The following ENTPD7 variants were observed in gnomAD, a reference collection of about 807,000 sequenced individuals.
ENTPD7 encodes the protein NTPDase 7.
Under a neutral mutation model 77.9 loss-of-function variants are expected in ENTPD7, and 53 were observed. That is an observed-to-expected ratio of 0.68 (90% CI 0.55 to 0.85). The LOEUF (loss-of-function observed/expected upper bound fraction) is 0.85, where lower values mean the gene tolerates loss of function less well. Among genes scored for constraint, ENTPD7 ranks in the 40% least tolerant of loss-of-function variants. The pLI is 0.00. For missense variants in ENTPD7, 636 were observed against 743.7 expected, an observed-to-expected ratio of 0.86 and a Z score of 1.68; for synonymous variants, 248 against 274.9, an observed-to-expected ratio of 0.90 and a Z score of 0.97.
intron 3 of ENTPD7, among the ~76,000 whole-genome samples, chr10:99,674,804 G>A (rs1471047993): frequency 6.6e-6 from 1 of 152,170 alleles, no homozygotes; most frequent in Admixed American, 6.5e-5. Flanking sequence ...GCAATGGCAG[G>A]TAAAACCGCT....
At chr10:99,669,707 G>A (rs1002251122) in intron 3 of ENTPD7, among the ~76,000 whole-genome samples, 2 of 115,308 alleles carry the variant, frequency 1.7e-5, no homozygotes, top group African/African-American at 6.5e-5. Flanking sequence ...CAGCAGAGCT[G>A]TTTTTGAGAA....
Position 99,682,249 on chromosome 10 carries a change from T to G in ENTPD7, c.548+2374T>G, listed in dbSNP as rs117885454. Reference sequence around the variant, plus strand: ...AAATTTTATAGTTGGCTTTCTTTCCTTAAATCAACAGCAAACAACAAAAAC... The same window carrying G: ...AAATTTTATAGTTGGCTTTCTTTCCGTAAATCAACAGCAAACAACAAAAAC... On this transcript the variant is annotated intron_variant, in intron 5 of 12. Coordinates refer to ENST00000370489, the MANE Select transcript of ENTPD7 (RefSeq NM_020354.5). Among the ~76,000 whole-genome samples the G allele has an allele frequency of 6.6e-3, 1,007 of 151,938 alleles. 7 individuals carry two copies. The highest frequency in any genetic ancestry group is 0.011 in the Admixed American group (165 of 15,256).
chr10:99,703,482 A>G (rs548229520), intron 12 of ENTPD7, among the ~76,000 whole-genome samples: 2 of 152,190 alleles, frequency 1.3e-5, no homozygotes, highest in East Asian at 1.9e-4. Context: ...TCAGAAATCC[A>G]TATTTTTTAT....
intron 3 of ENTPD7, among the ~76,000 whole-genome samples, chr10:99,672,805 G>A (rs1413142814): frequency 6.6e-6 from 1 of 152,178 alleles, no homozygotes; most frequent in Non-Finnish European, 1.5e-5. Context: ...GAGTTGAAGA[G>A]TATGATGACA....
At chr10:99,679,504 A>C (rs774228093) in intron 4 of ENTPD7, 38 bp downstream of exon 4, 2 of 1,556,420 alleles carry the variant, frequency 1.3e-6, no homozygotes, top group South Asian at 2.5e-5. Flanking sequence ...AGTCTCTTTT[A>C]AGGCATGAAA....
intron 9 of ENTPD7, among the ~76,000 whole-genome samples, chr10:99,698,189 A>G (rs1446549752): frequency 6.6e-6 from 1 of 152,142 alleles, no homozygotes; most frequent in African/African-American, 2.4e-5. Flanking sequence ...TAAACATTAG[A>G]ACCACACTCC....
At position 99,709,548 on chromosome 10, in the gene ENTPD7, T is replaced by C. The variant is rs1448243978; in HGVS notation, c.*4865T>C. ...ACAGGATTATTAGTCAATAATATTT[T>C]GATTAATACTATAGAATAGCAACAG... On this transcript the variant is annotated 3_prime_UTR_variant, in exon 13 of 13. Transcript: ENST00000370489. 2 of 983,238 alleles carry C rather than the reference T, an allele frequency of 2.0e-6. No individual in the cohort carries two copies. Among genetic ancestry groups the C allele is most frequent in the East Asian group, 2.3e-4 (2 of 8,818 alleles). The allele number at this position is 983,238 out of a possible 1,614,324, so 60.9% of individuals were successfully genotyped here. A position where few individuals can be genotyped will look rare whatever the true frequency, so the allele number is the denominator to read the frequency against.
rs1196176916 is a variant in ENTPD7 at position 99,691,467 on chromosome 10, C to A, written c.792C>A (p.Leu264=). The change falls in exon 8 of 13, where the codon CTC becomes CTA. Residue 264 remains leucine, a synonymous_variant. Transcript: ENST00000370489. ...VGILDMGGAS[L]QIAYEVPTST... is the part of the protein sequence containing the mutation. Reference sequence around the variant, plus strand: ...TACTGGATATGGGAGGAGCCTCTCTCCAAATTGCTTATGAAGTTCCTACCT... The same window carrying A: ...TACTGGATATGGGAGGAGCCTCTCTACAAATTGCTTATGAAGTTCCTACCT... 6.2e-7 allele frequency: 1 copy of A among 1,614,084 alleles called. No homozygotes were observed. The highest frequency in any genetic ancestry group is 1.3e-5 in the African/African-American group (1 of 75,054).
At chr10:99,674,461 T>C (rs1214279221) in intron 3 of ENTPD7, among the ~76,000 whole-genome samples, 1 of 152,210 alleles carries the variant, frequency 6.6e-6, no homozygotes, top group Non-Finnish European at 1.5e-5. Flanking sequence ...TGAACTCTCC[T>C]TTTCTCTCTC....
At chr10:99,675,790 G>T (rs979694205) in intron 3 of ENTPD7, among the ~76,000 whole-genome samples, 2 of 151,800 alleles carry the variant, frequency 1.3e-5, no homozygotes, top group Admixed American at 1.3e-4. Flanking sequence ...TAGAGACGGG[G>T]TTTCACCATG....
intron 3 of ENTPD7, among the ~76,000 whole-genome samples, chr10:99,667,696 A>T (rs2035566893): frequency 6.6e-6 from 1 of 152,194 alleles, no homozygotes; most frequent in Non-Finnish European, 1.5e-5. Context: ...CACAGTAGAT[A>T]ACAGCAAATT....
intron 7 of ENTPD7, 89 bp downstream of exon 7, chr10:99,688,839 A>G: frequency 7.7e-7 from 1 of 1,301,560 alleles, no homozygotes; most frequent in Non-Finnish European, 1.1e-6. Context: ...GCAAATTTTG[A>G]GTTGTTTTTC....
At chr10:99,683,484 T>G (rs2035777666) in intron 5 of ENTPD7, among the ~76,000 whole-genome samples, 1 of 152,190 alleles carries the variant, frequency 6.6e-6, no homozygotes, top group African/African-American at 2.4e-5. Context: ...ATAATTTTTA[T>G]TTTAGGAAAT....
chr10:99,687,030 G>A (rs2035821402), intron 6 of ENTPD7, among the ~76,000 whole-genome samples: 1 of 149,006 alleles, frequency 6.7e-6, no homozygotes, highest in South Asian at 2.1e-4. Context: ...CGATTCTCCT[G>A]CCTCAGCCTC....
intron 7 of ENTPD7, among the ~76,000 whole-genome samples, chr10:99,690,534 A>G (rs1216356534): frequency 3.3e-5 from 5 of 150,078 alleles, no homozygotes; most frequent in Non-Finnish European, 7.4e-5. Context: ...TTATTCCACA[A>G]TATGTTTCAT....
At chr10:99,691,106 C>G (rs530777063) in intron 7 of ENTPD7, among the ~76,000 whole-genome samples, 1 of 152,204 alleles carries the variant, frequency 6.6e-6, no homozygotes, top group East Asian at 1.9e-4. Flanking sequence ...CTGGCCTCAG[C>G]CTCCTGAGTA....
At chr10:99,667,159 A>T (rs1363035920) in intron 3 of ENTPD7, among the ~76,000 whole-genome samples, 4 of 152,230 alleles carry the variant, frequency 2.6e-5, no homozygotes, top group African/African-American at 9.6e-5. Flanking sequence ...GACCTCACCA[A>T]AGTCCTAACA....
chr10:99,687,259 C>CTTTCCTT (rs1223628237), intron 6 of ENTPD7, among the ~76,000 whole-genome samples: 1 of 29,522 alleles, frequency 3.4e-5, no homozygotes, highest in African/African-American at 1.4e-4. Flanking sequence ...TTCTTTCTTT[C>CTTTCCTT]TTTTTTTTTT....
At position 99,709,011 on chromosome 10, in the gene ENTPD7, C is replaced by A; in HGVS notation, c.*4328C>A. On this transcript the variant is annotated 3_prime_UTR_variant, in exon 13 of 13. Coordinates refer to ENST00000370489, the MANE Select transcript of ENTPD7 (RefSeq NM_020354.5). Reference sequence around the variant, plus strand: ...ATAAACTTTGAAAAAAATACTTTGTCAGAAATAGTGCCAAGTTTTCACTAC... The same window carrying A: ...ATAAACTTTGAAAAAAATACTTTGTAAGAAATAGTGCCAAGTTTTCACTAC... The A allele has an allele frequency of 1.0e-6, 1 of 985,264 alleles. No individual in the cohort carries two copies. The highest frequency in any genetic ancestry group is 1.2e-6 in the Non-Finnish European group (1 of 829,772). 61.0% of individuals were successfully genotyped at this position (985,264 alleles called of 1,614,324 possible). A position where few individuals can be genotyped will look rare whatever the true frequency, so the allele number is the denominator to read the frequency against.
Sources: allele counts gnomAD v4.1 joint callset (sites outside exome capture counted in the v4.1 genomes callset), GRCh38; gene constraint gnomAD v4.1.1; transcripts MANE v1.5; gene names NCBI Gene and HGNC (gene_info 2026-07-23, HGNC 2026-07-21).